IGF2R: variants seen among roughly 807,000 people sequenced by gnomAD.
The protein encoded by IGF2R is cation-independent mannose-6-phosphate receptor.
Under a neutral mutation model 270.6 loss-of-function variants are expected in IGF2R, and 91 were observed. The observed-to-expected ratio is 0.34, with a 90% confidence interval of 0.28 to 0.40. The LOEUF is 0.40. Among genes scored for constraint, IGF2R ranks in the 10% least tolerant of loss-of-function variants. The probability of loss-of-function intolerance (pLI) is 1.00; values close to 1 mark genes in which losing one functional copy is unlikely to be tolerated. For synonymous variants in IGF2R, 1,316 were observed against 1,258.9 expected, an observed-to-expected ratio of 1.05 and a Z score of -0.96; for missense variants, 2,805 against 3,188.3, an observed-to-expected ratio of 0.88 and a Z score of 2.90.
Position 160,044,760 on chromosome 6 carries a change from G to C in IGF2R, c.1765+103G>C. ...CAGTCACTGCAAAGCTGATCAGACA[G>C]ATTGGCATGGTGTTCAGCATTTTGA... is the stretch of plus-strand genomic sequence containing the variant. On this transcript the variant is annotated intron_variant, in intron 13 of 47. Coordinates refer to ENST00000356956, the MANE Select transcript of IGF2R (RefSeq NM_000876.4). The C allele has an allele frequency of 1.3e-5, 12 of 904,090 alleles. No individual in the cohort carries two copies. In the South Asian group the frequency reaches 2.1e-4, roughly 16 times the overall value. 56.0% of individuals were successfully genotyped at this position (904,090 alleles called of 1,614,324 possible).
At chr6:160,014,044 T>G (rs1267272374) in intron 4 of IGF2R, among the ~76,000 whole-genome samples, 1 of 152,224 alleles carries the variant, frequency 6.6e-6, no homozygotes, top group Non-Finnish European at 1.5e-5. Context: ...TCTGTCACAT[T>G]TAGAATGATT....
Position 160,104,863 on chromosome 6 carries a change from G to A in IGF2R, c.7255G>A (p.Val2419Met). The change falls in exon 48 of 48, where the codon GTG becomes ATG. Residue 2419 changes from valine to methionine, a missense_variant. By Grantham distance (21) the Val-to-Met change is conservative. This residue lies in a region of IGF2R where 1,851 missense variants were observed against 2,207.2 expected (regional missense o/e 0.84). Coordinates refer to ENST00000356956, the MANE Select transcript of IGF2R (RefSeq NM_000876.4). ...GGATGAGGTTCTGACCATCCCAGAG[G>A]TGAAAGTTCACTCGGGCAGGGGAGC... The part of the protein sequence containing the change: ...SEDEVLTIPE[V>M]KVHSGRGAGA... 1 of 1,614,208 alleles carries A rather than the reference G, an allele frequency of 6.2e-7. No homozygotes were observed. The highest frequency in any genetic ancestry group is 8.5e-7 in the Non-Finnish European group (1 of 1,180,040).
intron 1 of IGF2R, among the ~76,000 whole-genome samples, chr6:159,987,707 G>A (rs1191630878): frequency 6.6e-6 from 1 of 152,160 alleles, no homozygotes; most frequent in Non-Finnish European, 1.5e-5. Flanking sequence ...TGTTTTAAAG[G>A]AGACATAATG....
Position 160,032,699 on chromosome 6 carries a change from T to A in IGF2R, c.1031T>A (p.Leu344His). ...QQDVSIDLTPLAQSGGSSYIS... is the reference protein window; with the variant it reads ...QQDVSIDLTPHAQSGGSSYIS... ...GATGTCTCCATAGACCTCACACCAC[T>A]TGCCCAGAGCGGAGGTAAGCAGGTG... Residue 344 changes from leucine to histidine, a missense_variant, in exon 8 of 48, where the codon CTT (leucine) becomes CAT (histidine). Physicochemically the swap from Leu to His is moderately conservative, Grantham distance 99 (BLOSUM62 -3). Transcript: ENST00000356956. The A allele has an allele frequency of 6.2e-7, 1 of 1,613,886 alleles. No homozygotes were observed. The highest frequency in any genetic ancestry group is 8.5e-7 in the Non-Finnish European group (1 of 1,179,946).
intron 45 of IGF2R, among the ~76,000 whole-genome samples, chr6:160,097,573 G>A (rs1562378487): frequency 6.6e-6 from 1 of 152,210 alleles, no homozygotes; most frequent in African/African-American, 2.4e-5. Flanking sequence ...CAGATAATCT[G>A]CCTGCCTTGG....
chr6:160,103,122 C>T (rs148497546), intron 46 of IGF2R, among the ~76,000 whole-genome samples: 157 of 152,244 alleles, frequency 1.0e-3, no homozygotes, highest in Middle Eastern at 3.4e-3. Flanking sequence ...CAGATTTTCA[C>T]GTCAGGCGTC....
In IGF2R at chr6:160,047,241, G is replaced by C. The variant is rs774403150; in HGVS notation, c.2134G>C (p.Gly712Arg). 6.2e-7 allele frequency: 1 copy of C among 1,613,808 alleles called. No individual in the cohort carries two copies. Among genetic ancestry groups the C allele is most frequent in the African/African-American group, 1.3e-5 (1 of 74,910 alleles). ...DGMIQLNYRGGTPYNNERHTP... is the reference protein window; with the variant it reads ...DGMIQLNYRGRTPYNNERHTP... ...GATGATCCAACTGAACTACAGAGGC[G>C]GCACACCCTATAACAATGAAAGACA... Residue 712 changes from glycine to arginine, a missense_variant, in exon 16 of 48, where the codon GGC (glycine) becomes CGC (arginine). Around this residue, in one of 2 missense-constraint regions of IGF2R, gnomAD observed 954 missense variants for 981.1 expected, o/e 0.97. Coordinates refer to ENST00000356956, the MANE Select transcript of IGF2R (RefSeq NM_000876.4).
At chr6:160,029,459 C>G (rs1207660293) in intron 6 of IGF2R, 91 bp from the exon 7 acceptor site, 5 of 719,348 alleles carry the variant, frequency 7.0e-6, no homozygotes, top group East Asian at 5.4e-5. Context: ...TCCTCCCCCC[C>G]AAGTGAATGT....
At chr6:160,076,684 C>G (rs1778861949) in intron 36 of IGF2R, among the ~76,000 whole-genome samples, 1 of 152,210 alleles carries the variant, frequency 6.6e-6, no homozygotes, top group Admixed American at 6.5e-5. Context: ...AGCACCACAG[C>G]CTGTCGTCTG....
In IGF2R at chr6:160,068,375, G is replaced by A. The variant is rs1211926360; in HGVS notation, c.4242G>A (p.Gln1414=). The A allele has an allele frequency of 6.2e-7, 1 of 1,614,006 alleles. No homozygotes were observed. Among genetic ancestry groups the A allele is most frequent in the Admixed American group, 1.7e-5 (1 of 60,028 alleles). ...LINVCKSLAP[Q]AGTEPCPPEA... is the part of the protein sequence containing the mutation. ...ATGTCTGCAAGTCTCTGGCCCCGCA[G>A]GCTGGCACTGGTGAGAGAGGGCCTC... Residue 1414 remains glutamine (Q), a synonymous_variant, in exon 30 of 48, where the codon CAG becomes CAA. Transcript: ENST00000356956.
Position 160,103,731 on chromosome 6 carries a change from C to T in IGF2R, c.6996-15C>T, listed in dbSNP as rs916662142. 2.5e-6 allele frequency: 4 copies of T among 1,597,024 alleles called. No individual in the cohort carries two copies. The highest frequency in any genetic ancestry group is 3.3e-5 in the Admixed American group (2 of 59,972). ...CTCTACACTGGAGTAATTATTGTCT[C>T]CTTTTTTTTTATAGGGAAACAGTGA... On this transcript the variant is annotated splice_polypyrimidine_tract_variant and intron_variant, in intron 46 of 47. Coordinates refer to ENST00000356956, the MANE Select transcript of IGF2R (RefSeq NM_000876.4).
At position 160,089,149 on chromosome 6, in the gene IGF2R, C is replaced by T. The variant is rs1425494914; in HGVS notation, c.6363C>T (p.Ser2121=). The change falls in exon 43 of 48, where the codon TCC becomes TCT. Residue 2121 remains serine (S), a synonymous_variant. Transcript: ENST00000356956. ...GCACTTACTACTTCAGCTGGGACTC[C>T]CGGGCTGCCTGCGCCGTGAAGCCTC... ...DSCTYYFSWD[S]RAACAVKPQE... 1 of 1,614,108 alleles carries T rather than the reference C, an allele frequency of 6.2e-7. No individual in the cohort carries two copies. Among genetic ancestry groups the T allele is most frequent in the East Asian group, 2.2e-5 (1 of 44,880 alleles).
At chr6:160,027,112 C>T (rs990906219) in intron 5 of IGF2R, 73 bp from the exon 6 acceptor site, 4 of 1,533,286 alleles carry the variant, frequency 2.6e-6, no homozygotes, top group Non-Finnish European at 3.6e-6. Context: ...TTTAAAGGGA[C>T]CCTGGGTCTA....
intron 10 of IGF2R, among the ~76,000 whole-genome samples, chr6:160,034,929 C>A (rs960212167): frequency 1.3e-5 from 2 of 152,012 alleles, no homozygotes; most frequent in Admixed American, 1.3e-4. Context: ...ATCCTTTTTG[C>A]AAAGTGGTGA....
chr6:160,078,432 G>T, intron 37 of IGF2R, 70 bp downstream of exon 37: 3 of 1,468,968 alleles, frequency 2.0e-6, no homozygotes, highest in South Asian at 1.2e-5. Flanking sequence ...GCTGCTGGGA[G>T]TGTTTTGGAT....
chr6:159,973,376 A>AT (rs752659227), intron 1 of IGF2R, among the ~76,000 whole-genome samples: 5 of 152,170 alleles, frequency 3.3e-5, no homozygotes, highest in Admixed American at 2.0e-4. Context: ...ATGCTTTGGG[A>AT]TGGTTAGATT....
chr6:160,013,410 TAAAAAAAAAAA>T (rs34643864), intron 4 of IGF2R, among the ~76,000 whole-genome samples: 120 of 87,730 alleles, frequency 1.4e-3, no homozygotes, highest in Non-Finnish European at 2.1e-3. Context: ...TGGTTCTTTG[TAAAAAAAAAAA>T]AAAAAAAAAA....
chr6:160,072,064 C>T, intron 32 of IGF2R, 28 bp downstream of exon 32: 2 of 1,613,530 alleles, frequency 1.2e-6, no homozygotes, highest in South Asian at 2.2e-5. Flanking sequence ...TCGTTAACCC[C>T]AGCGCAGGTG....
At chr6:160,088,427 T>C (rs928667530) in intron 42 of IGF2R, among the ~76,000 whole-genome samples, 2 of 152,236 alleles carry the variant, frequency 1.3e-5, no homozygotes, top group African/African-American at 4.8e-5. Context: ...TACCTTTGAA[T>C]GTCATAGTAG....
Sources: allele counts gnomAD v4.1 joint callset (sites outside exome capture counted in the v4.1 genomes callset), GRCh38; gene constraint gnomAD v4.1.1; regional missense constraint gnomAD v4.1.1; transcripts MANE v1.5; gene names NCBI Gene and HGNC (gene_info 2026-07-23, HGNC 2026-07-21).